Variants in EP300 observed in about 807,000 individuals in gnomAD.
The protein encoded by EP300 is histone acetyltransferase p300.
A neutral mutation model predicts 264.0 loss-of-function variants in EP300; 31 were observed. The ratio of observed to expected loss-of-function variants is 0.12; its 90% CI spans 0.09 to 0.16. The LOEUF is 0.16. Ranked by LOEUF, EP300 falls within the 10% of genes least tolerant of loss-of-function variation. The pLI is 1.00. For synonymous variants in EP300, 1,340 were observed against 1,045.4 expected (o/e 1.28, Z -5.44); for missense variants, 2,766 against 3,052.9 (o/e 0.91, Z 2.21).
intron 6 of EP300, among the ~76,000 whole-genome samples, chr22:41,134,785 T>G (rs527293149): frequency 1.9e-4 from 29 of 152,386 alleles, no homozygotes; most frequent in Non-Finnish European, 3.7e-4. Context: ...GGCTTCCTTT[T>G]ACCTCTTCTG....
intron 10 of EP300, chr22:41,146,442 C>CCCAA: frequency 2.7e-6 from 1 of 377,022 alleles, no homozygotes; most frequent in Non-Finnish European, 5.0e-6. Context: ...GCCAGGATTA[C>CCCAA]AGGCGTGAGC....
intron 1 of EP300, among the ~76,000 whole-genome samples, chr22:41,102,875 T>A (rs1428866809): frequency 1.3e-5 from 2 of 152,152 alleles, no homozygotes; most frequent in Non-Finnish European, 2.9e-5. Context: ...TTATTTATTT[T>A]GAGACAATCT....
rs1483018665 is a variant in EP300 at position 41,173,658 on chromosome 22, G to T, written c.4653G>T (p.Lys1551Asn). ...TKGDSKNAKK[K>N]NNKKTSKNKS... ...GAGACAGCAAAAATGCTAAAAAGAAGAATAATAAGAAAACCAGCAAAAATA... is the reference window on the plus strand; with the variant it reads ...GAGACAGCAAAAATGCTAAAAAGAATAATAATAAGAAAACCAGCAAAAATA... Residue 1551 changes from lysine to asparagine, a missense_variant, in exon 29 of 31, where the codon AAG becomes AAT. By Grantham distance (94) the Lys-to-Asn change is moderately conservative (BLOSUM62 0). Transcript: ENST00000263253. 5 of 1,614,130 alleles carry T rather than the reference G, an allele frequency of 3.1e-6. No homozygotes were observed. The highest frequency in any genetic ancestry group is 1.3e-5 in the African/African-American group (1 of 75,030).
chr22:41,109,773 C>T (rs2058778498), intron 1 of EP300, among the ~76,000 whole-genome samples: 1 of 148,344 alleles, frequency 6.7e-6, no homozygotes. Context: ...TTTTTTGGAG[C>T]TTCTGAGACC....
Position 41,178,085 on chromosome 22 carries a change from A to G in EP300, c.6374A>G (p.His2125Arg), listed in dbSNP as rs886057568. The G allele has an allele frequency of 6.2e-7, 1 of 1,613,796 alleles. No homozygotes were observed. Among genetic ancestry groups the G allele is most frequent in the African/African-American group, 1.3e-5 (1 of 74,922 alleles). ...ACCATGCCAGGTCAGCAGGGGGTCC[A>G]CTCCAATCCAGCCATGCAGAACATG... The part of the protein sequence containing the change: ...PPTMPGQQGV[H>R]SNPAMQNMNP... The change falls in exon 31 of 31, where the codon CAC (histidine) becomes CGC (arginine). Residue 2125 changes from histidine (H) to arginine (R), a missense_variant. Transcript: ENST00000263253.
At chr22:41,169,254 C>T (rs2059156655) in intron 25 of EP300, 2 of 574,570 alleles carry the variant, frequency 3.5e-6, no homozygotes, top group East Asian at 3.0e-5. Flanking sequence ...ATAGGGATCA[C>T]CAAATACTGA....
chr22:41,174,422 AG>A (rs2059188372), intron 29 of EP300, among the ~76,000 whole-genome samples: 2 of 152,232 alleles, frequency 1.3e-5, no homozygotes, highest in Non-Finnish European at 1.5e-5. Flanking sequence ...AAAAATAAAA[AG>A]ATTTAACCTT....
Position 41,135,864 on chromosome 22 carries a change from T to C in EP300, c.1580T>C (p.Leu527Pro). ...NGGVGVQTPS[L>P]LSDSMLHSAI... ...GGTGTAGGAGTTCAAACGCCGAGTC[T>C]TCTTTCTGACTCAATGTTGCATTCA... is the stretch of plus-strand genomic sequence containing the variant. Residue 527 changes from leucine to proline, a missense_variant, in exon 7 of 31, where the codon CTT becomes CCT. By Grantham distance (98) the Leu-to-Pro change is moderately conservative (BLOSUM62 -3). Transcript: ENST00000263253. 7 of 1,614,168 alleles carry C rather than the reference T, an allele frequency of 4.3e-6. No homozygotes were observed. The highest frequency in any genetic ancestry group is 5.9e-6 in the Non-Finnish European group (7 of 1,180,008).
rs2145518390 is a variant in EP300, at chr22:41,177,602, C to T, written c.5891C>T (p.Pro1964Leu). 1.2e-6 allele frequency: 2 copies of T among 1,614,170 alleles called. No individual in the cohort carries two copies. The highest frequency in any genetic ancestry group is 2.7e-5 in the African/African-American group (2 of 75,032). Residue 1964 changes from proline to leucine, a missense_variant, in exon 31 of 31, where the codon CCC (proline) becomes CTC (leucine). Transcript: ENST00000263253. ...ATGCCCCCGATGACTCCCATGGCCC[C>T]CATGGGTATGAACCCACCTCCCATG... Reference protein sequence around the residue: ...HQMPPMTPMAPMGMNPPPMTR... With the variant: ...HQMPPMTPMALMGMNPPPMTR...
At chr22:41,161,685 A>T (rs980560786) in intron 20 of EP300, among the ~76,000 whole-genome samples, 2 of 152,282 alleles carry the variant, frequency 1.3e-5, no homozygotes, top group South Asian at 4.1e-4. Flanking sequence ...TCAAACTGGG[A>T]CTGTCTAAGA....
intron 10 of EP300, among the ~76,000 whole-genome samples, chr22:41,141,521 A>T (rs1015741708): frequency 4.6e-5 from 7 of 152,212 alleles, no homozygotes; most frequent in African/African-American, 1.7e-4. Flanking sequence ...AGATGTTCAC[A>T]GATTTCTCTG....
intron 1 of EP300, among the ~76,000 whole-genome samples, chr22:41,096,140 C>T (rs1191362385): frequency 6.6e-6 from 1 of 151,830 alleles, no homozygotes; most frequent in Non-Finnish European, 1.5e-5. Context: ...TGAGAAATGA[C>T]ATTTTGTTCT....
intron 22 of EP300, among the ~76,000 whole-genome samples, chr22:41,165,940 A>G (rs567449929): frequency 1.4e-4 from 21 of 150,804 alleles, no homozygotes; most frequent in African/African-American, 5.1e-4. Context: ...ACATACCACC[A>G]TGTCTGACCA....
chr22:41,124,280 A>G (rs916793504), intron 2 of EP300, among the ~76,000 whole-genome samples: 1 of 152,156 alleles, frequency 6.6e-6, no homozygotes, highest in Non-Finnish European at 1.5e-5. Flanking sequence ...GCAAAGTCAA[A>G]TGACTTGAAG....
At chr22:41,109,100 C>T (rs575060245) in intron 1 of EP300, among the ~76,000 whole-genome samples, 1 of 151,926 alleles carries the variant, frequency 6.6e-6, no homozygotes, top group Non-Finnish European at 1.5e-5. Context: ...CATGGTGAGA[C>T]CCCCATCTCA....
intron 12 of EP300, 103 bp from the exon 13 acceptor site, chr22:41,148,935 C>T (rs1192831615): frequency 8.5e-6 from 13 of 1,529,792 alleles, no homozygotes; most frequent in Non-Finnish European, 1.2e-5. Flanking sequence ...TTTGGCTTTT[C>T]TCTACTTAAT....
intron 12 of EP300, 198 bp from the exon 13 acceptor site, chr22:41,148,840 A>G (rs945345498): frequency 1.0e-4 from 67 of 642,282 alleles, no homozygotes; most frequent in Admixed American, 1.7e-4. Flanking sequence ...CTGTGAGGCT[A>G]TTTCTCTTTA....
Position 41,137,732 on chromosome 22 carries a change from C to G in EP300, c.1702C>G (p.Arg568Gly). ...TAAQPSTTGI[R>G]KQWHEDITQD... ...AGCTCAACCATCCACTACTGGAATTCGGAAACAGTGGCACGAAGATATTAC... is the reference window on the plus strand; with the variant it reads ...AGCTCAACCATCCACTACTGGAATTGGGAAACAGTGGCACGAAGATATTAC... The change falls in exon 8 of 31, where the codon CGG becomes GGG. Residue 568 changes from arginine (R) to glycine (G), a missense_variant. By Grantham distance (125) the Arg-to-Gly change is moderately radical. Coordinates refer to ENST00000263253, the MANE Select transcript of EP300 (RefSeq NM_001429.4). 1 of 1,614,180 alleles carries G rather than the reference C, an allele frequency of 6.2e-7. No homozygotes were observed. The highest frequency in any genetic ancestry group is 8.5e-7 in the Non-Finnish European group (1 of 1,180,028).
chr22:41,117,098 A>T, intron 1 of EP300, 89 bp from the exon 2 acceptor site: 1 of 1,128,740 alleles, frequency 8.9e-7, no homozygotes, highest in Non-Finnish European at 1.3e-6. Context: ...TTGGGAAATG[A>T]CATTTAATGC....
Sources: allele counts gnomAD v4.1 joint callset (sites outside exome capture counted in the v4.1 genomes callset), GRCh38; gene constraint gnomAD v4.1.1; transcripts MANE v1.5; gene names NCBI Gene and HGNC (gene_info 2026-07-23, HGNC 2026-07-21).